The following TCN1 variants were observed in gnomAD, a reference collection of about 807,000 sequenced individuals.
TCN1 encodes the protein transcobalamin-1.
TCN1 carries 47 observed loss-of-function variants against 46.3 expected under a neutral mutation model. That is an observed-to-expected ratio of 1.01 (90% CI 0.80 to 1.29). TCN1 has a LOEUF of 1.29. Among genes scored for constraint, TCN1 ranks in the 50% most tolerant of loss-of-function variants. TCN1 has a pLI of 0.00. For synonymous variants in TCN1, 183 were observed against 192.5 expected (o/e 0.95, Z 0.41); for missense variants, 532 against 511.0 (o/e 1.04, Z -0.40).
chr11:59,856,084 G>GGGGGGA, intron 5 of TCN1, 26 bp from the exon 6 acceptor site: 1 of 1,055,764 alleles, frequency 9.5e-7, no homozygotes, highest in Non-Finnish European at 1.4e-6. Flanking sequence ...GGGGTGGGGG[G>GGGGGGA]GTGATGAGAG....
At chr11:59,858,017 T>C (rs1280393075) in intron 5 of TCN1, among the ~76,000 whole-genome samples, 1 of 152,338 alleles carries the variant, frequency 6.6e-6, no homozygotes, top group East Asian at 1.9e-4. Context: ...CTATGTTTTT[T>C]CCCTATACAT....
intron 4 of TCN1, 141 bp from the exon 5 acceptor site, chr11:59,859,408 G>A (rs994490210): frequency 6.0e-6 from 5 of 838,362 alleles, no homozygotes; most frequent in Non-Finnish European, 9.9e-6. Context: ...CATGCTAATT[G>A]GTGAAGAAAG....
chr11:59,865,455 C>T (rs574755229), intron 1 of TCN1, among the ~76,000 whole-genome samples: 50 of 152,164 alleles, frequency 3.3e-4, no homozygotes, highest in African/African-American at 1.1e-3. Context: ...AATGTCAAGC[C>T]AAGAAGAAAA....
rs1852913046 is a variant in TCN1 at position 59,854,811 on chromosome 11, T to A, written c.962A>T (p.Glu321Val). The change falls in exon 7 of 9, where the codon GAG becomes GTG. Residue 321 changes from glutamate (E) to valine (V), a missense_variant. Transcript: ENST00000257264. ...GTCAGGAGGTGTCACAGTTATAGGC[T>A]CATCAGCGGAGATGTTGAAGTTACC... ...ASGNFNISAD[E>V]PITVTPPDSQ... The A allele has an allele frequency of 6.2e-7, 1 of 1,613,998 alleles. No individual in the cohort carries two copies. The highest frequency in any genetic ancestry group is 8.5e-7 in the Non-Finnish European group (1 of 1,179,900).
intron 2 of TCN1, among the ~76,000 whole-genome samples, chr11:59,863,669 C>A (rs946491437): frequency 6.6e-6 from 1 of 152,028 alleles, no homozygotes; most frequent in South Asian, 2.1e-4. Context: ...AAATCCATAG[C>A]TTTTGTTTGT....
Position 59,866,418 on chromosome 11 carries a change from A to G in TCN1, c.53T>C (p.Ile18Thr), listed in dbSNP as rs1205550060. The G allele has an allele frequency of 6.2e-7, 1 of 1,613,430 alleles. No individual in the cohort carries two copies. The highest frequency in any genetic ancestry group is 1.3e-5 in the African/African-American group (1 of 74,904). Residue 18 changes from isoleucine (I) to threonine (T), a missense_variant, in exon 1 of 9, where the codon ATT (isoleucine) becomes ACT (threonine). By Grantham distance (89) the Ile-to-Thr change is moderately conservative. Coordinates refer to ENST00000257264, the MANE Select transcript of TCN1 (RefSeq NM_001062.4). ...ACAAATCTCGCATAGTTGGCTTGGAATAAAAGAAAACAGTAAGAGCCCCAC... is the reference window on the plus strand; with the variant it reads ...ACAAATCTCGCATAGTTGGCTTGGAGTAAAAGAAAACAGTAAGAGCCCCAC... ...PLVGLLLFSF[I>T]PSQLCEICEV... is the part of the protein sequence containing the mutation.
At position 59,859,211 on chromosome 11, in the gene TCN1, C is replaced by A; in HGVS notation, c.613G>T (p.Gly205Trp). The A allele has an allele frequency of 6.2e-7, 1 of 1,614,016 alleles. No homozygotes were observed. Among genetic ancestry groups the A allele is most frequent in the South Asian group, 1.1e-5 (1 of 91,072 alleles). Residue 205 changes from glycine (G) to tryptophan (W), a missense_variant, in exon 5 of 9, where the codon GGG becomes TGG. Coordinates refer to ENST00000257264, the MANE Select transcript of TCN1 (RefSeq NM_001062.4). ...LTCVKKSLIN[G>W]QIKADEGSLK... Reference sequence around the variant, plus strand: ...CTGCCTTCATCTGCTTTGATCTGCCCATTTATTAGACTCTTCTTCACACAG... The same window carrying A: ...CTGCCTTCATCTGCTTTGATCTGCCAATTTATTAGACTCTTCTTCACACAG...
chr11:59,856,241 A>G (rs887156174), intron 5 of TCN1, among the ~76,000 whole-genome samples, 183 bp from the exon 6 acceptor site: 11 of 152,232 alleles, frequency 7.2e-5, no homozygotes, highest in Admixed American at 6.5e-4. Context: ...CTTGTTATCC[A>G]GAAGCTTATA....
chr11:59,863,824 GCAT>G, intron 2 of TCN1, 80 bp downstream of exon 2: 1 of 1,482,894 alleles, frequency 6.7e-7, no homozygotes, highest in Non-Finnish European at 9.4e-7. Context: ...TACTTTGGAT[GCAT>G]AATTTTTTAG....
At position 59,852,916 on chromosome 11, in the gene TCN1, A is replaced by G; in HGVS notation, c.*59T>C. 6.7e-7 allele frequency: 1 copy of G among 1,486,474 alleles called. No individual in the cohort carries two copies. The highest frequency in any genetic ancestry group is 2.3e-5 in the East Asian group (1 of 44,242). 92.1% of individuals were successfully genotyped at this position (1,486,474 alleles called of 1,614,324 possible). On this transcript the variant is annotated 3_prime_UTR_variant, in exon 9 of 9. Coordinates refer to ENST00000257264, the MANE Select transcript of TCN1 (RefSeq NM_001062.4). ...TAAATGAAGAAGAAGGCATAAGGAC[A>G]ATAAACATGGAACTCCACTGCAAAT... is the stretch of plus-strand genomic sequence containing the variant.
Position 59,855,725 on chromosome 11 carries a change from A to C in TCN1, c.937+144T>G, listed in dbSNP as rs1852923551. The C allele has an allele frequency of 3.6e-5, 32 of 884,394 alleles. 1 individual carries two copies. In the South Asian group the frequency reaches 4.4e-4, roughly 12 times the overall value. 54.8% of individuals were successfully genotyped at this position (884,394 alleles called of 1,614,324 possible). ...TCAGGTGACTGTAAACCCTGGTAAC[A>C]TGAGGAAAACTGAATTCTCTCTGGC... On this transcript the variant is annotated intron_variant, in intron 6 of 8. Transcript: ENST00000257264.
At position 59,853,001 on chromosome 11, in the gene TCN1, A is replaced by T; in HGVS notation, c.1276T>A (p.Leu426Met). Residue 426 changes from leucine to methionine, a missense_variant, in exon 9 of 9, where the codon TTG (leucine) becomes ATG (methionine). Coordinates refer to ENST00000257264, the MANE Select transcript of TCN1 (RefSeq NM_001062.4). ...TAGTATTTGCTCCAGCGAACCTCCA[A>T]GTTTTCTCCATTGCGGACAACGTAA... The part of the protein sequence containing the change: ...GSYVVRNGEN[L>M]EVRWSKY The T allele has an allele frequency of 1.2e-6, 2 of 1,614,182 alleles. No homozygotes were observed. Among genetic ancestry groups the T allele is most frequent in the Non-Finnish European group, 8.5e-7 (1 of 1,180,030 alleles).
Position 59,854,645 on chromosome 11 carries a change from G to T in TCN1, c.1121+7C>A. On this transcript the variant is annotated splice_region_variant and intron_variant, in intron 7 of 8. Coordinates refer to ENST00000257264, the MANE Select transcript of TCN1 (RefSeq NM_001062.4). ...ACATCTTAACCTTAGGTTAGGTACAGACCTACCCAAATATAGTATCATTCA... is the reference window on the plus strand; with the variant it reads ...ACATCTTAACCTTAGGTTAGGTACATACCTACCCAAATATAGTATCATTCA... 6.2e-7 allele frequency: 1 copy of T among 1,613,058 alleles called. No homozygotes were observed. Among genetic ancestry groups the T allele is most frequent in the Middle Eastern group, 1.7e-4 (1 of 6,056 alleles).
intron 2 of TCN1, 107 bp from the exon 3 acceptor site, chr11:59,862,829 C>T: frequency 7.9e-7 from 1 of 1,264,136 alleles, no homozygotes; most frequent in Non-Finnish European, 1.1e-6. Context: ...TTCTGTTGCG[C>T]TCTATACAGT....
intron 5 of TCN1, 48 bp from the exon 6 acceptor site, chr11:59,856,106 C>A: frequency 6.8e-7 from 1 of 1,469,762 alleles, no homozygotes; most frequent in Non-Finnish European, 9.5e-7. Context: ...TAAAGAGAGA[C>A]AGAGAGAGAA....
intron 2 of TCN1, 138 bp from the exon 3 acceptor site, chr11:59,862,860 G>A (rs561192119): frequency 1.0e-6 from 1 of 967,642 alleles, no homozygotes; most frequent in Non-Finnish European, 1.6e-6. Context: ...TTAATGATAG[G>A]GATAAATTCT....
chr11:59,854,499 A>T, intron 7 of TCN1, 153 bp downstream of exon 7: 12 of 751,008 alleles, frequency 1.6e-5, no homozygotes, highest in Non-Finnish European at 2.7e-5. Context: ...CTCACCTCCT[A>T]TTTTAAACTC....
rs369168126 is a variant in TCN1, at chr11:59,859,072, C to T, written c.747+5G>A. ...CTCTGCCTCCTGTTTCACCCTCTGA[C>T]TTACCTGCATGGCTTCTCCTGTGCT... On this transcript the variant is annotated splice_donor_5th_base_variant and intron_variant, in intron 5 of 8. Transcript: ENST00000257264. 29 of 1,611,734 alleles carry T rather than the reference C, an allele frequency of 1.8e-5. No individual in the cohort carries two copies. In the African/African-American group the frequency reaches 3.6e-4, roughly 20 times the overall value.
Position 59,866,030 on chromosome 11 carries a change from T to C in TCN1, c.79+362A>G, listed in dbSNP as rs78780845. 4.0e-3 allele frequency among the ~76,000 whole-genome samples: 614 copies of C among 152,278 alleles called. 4 individuals carry two copies. Among genetic ancestry groups the C allele is most frequent in the African/African-American group, 6.6e-3 (275 of 41,568 alleles). The stretch of plus-strand genomic sequence containing the variant: ...GCATTGAATTTCAGGGAAAAAAGAT[T>C]GCATATCAAGACCAAAAGATAACTT... On this transcript the variant is annotated intron_variant, in intron 1 of 8. Coordinates refer to ENST00000257264, the MANE Select transcript of TCN1 (RefSeq NM_001062.4).
Sources: allele counts gnomAD v4.1 joint callset (sites outside exome capture counted in the v4.1 genomes callset), GRCh38; gene constraint gnomAD v4.1.1; transcripts MANE v1.5; gene names NCBI Gene and HGNC (gene_info 2026-07-23, HGNC 2026-07-21).